Variants in ERC2 observed in about 807,000 individuals in gnomAD.
ERC2 encodes ERC protein 2.
Under a neutral mutation model 114.8 loss-of-function variants are expected in ERC2, and 42 were observed. That is an observed-to-expected ratio of 0.37 (90% confidence interval 0.29 to 0.47). ERC2 has a LOEUF of 0.47. ERC2 is among the 20% of genes least tolerant of loss of function. The pLI, the probability that ERC2 is intolerant of heterozygous loss-of-function variation, is 0.99. For synonymous variants in ERC2, 454 were observed against 425.5 expected, an observed-to-expected ratio of 1.07 and a Z score of -0.82; for missense variants, 939 against 1,150.7, an observed-to-expected ratio of 0.82 and a Z score of 2.66.
At chr3:55,576,320 A>C (rs576750859) in intron 17 of ERC2, among the ~76,000 whole-genome samples, 2 of 152,110 alleles carry the variant, frequency 1.3e-5, no homozygotes, top group African/African-American at 4.8e-5. Flanking sequence ...AAAAAAAAAA[A>C]AAAATAAATC....
At chr3:56,022,933 G>T (rs1338960861) in intron 7 of ERC2, among the ~76,000 whole-genome samples, 2 of 152,178 alleles carry the variant, frequency 1.3e-5, no homozygotes, top group Non-Finnish European at 2.9e-5. Context: ...GCCTTCTGGG[G>T]CAGAAACCTG....
chr3:56,300,021 T>C (rs548027752), intron 2 of ERC2, among the ~76,000 whole-genome samples: 1 of 152,314 alleles, frequency 6.6e-6, no homozygotes, highest in East Asian at 1.9e-4. Flanking sequence ...CTTATTGCCC[T>C]GATCCTTTGT....
At chr3:56,446,060 T>A (rs138720740) in intron 1 of ERC2, among the ~76,000 whole-genome samples, 7 of 152,284 alleles carry the variant, frequency 4.6e-5, no homozygotes, top group African/African-American at 1.7e-4. Context: ...AGGAAACCCT[T>A]CATAACCCAA....
At chr3:56,319,704 C>T (rs996613194) in intron 2 of ERC2, among the ~76,000 whole-genome samples, 4 of 152,094 alleles carry the variant, frequency 2.6e-5, no homozygotes, top group African/African-American at 7.2e-5. Flanking sequence ...GGTGCCGTAG[C>T]TCACACCTGG....
chr3:55,622,213 C>T (rs1445267370), intron 17 of ERC2, among the ~76,000 whole-genome samples: 1 of 152,112 alleles, frequency 6.6e-6, no homozygotes, highest in Non-Finnish European at 1.5e-5. Flanking sequence ...TTGTAGAAGC[C>T]AGGTAAAGCA....
chr3:55,575,543 C>T (rs1393020490), intron 17 of ERC2, among the ~76,000 whole-genome samples: 3 of 152,170 alleles, frequency 2.0e-5, no homozygotes, highest in Non-Finnish European at 2.9e-5. Context: ...CAGCAGGGCT[C>T]TTATAAGAAT....
At chr3:56,327,044 G>A (rs1321076019) in intron 2 of ERC2, among the ~76,000 whole-genome samples, 4 of 152,196 alleles carry the variant, frequency 2.6e-5, no homozygotes, top group Non-Finnish European at 5.9e-5. Context: ...AGAGGATGCT[G>A]CTGTCCCAGC....
chr3:56,075,213 G>A (rs898451224), intron 7 of ERC2, among the ~76,000 whole-genome samples: 1 of 152,086 alleles, frequency 6.6e-6, no homozygotes, highest in African/African-American at 2.4e-5. Flanking sequence ...CTCTTATAAA[G>A]GCAGGGTCTG....
At chr3:56,153,689 C>T (rs534976453) in intron 4 of ERC2, among the ~76,000 whole-genome samples, 1 of 152,248 alleles carries the variant, frequency 6.6e-6, no homozygotes, top group East Asian at 1.9e-4. Flanking sequence ...AGATTTCAAT[C>T]CCTCTCCAGG....
At chr3:55,860,304 G>A (rs907988281) in intron 14 of ERC2, among the ~76,000 whole-genome samples, 10 of 152,222 alleles carry the variant, frequency 6.6e-5, no homozygotes, top group African/African-American at 2.2e-4. Context: ...AATTCATAGC[G>A]ACAAGCAATT....
chr3:56,345,779 C>A (rs893996767), intron 2 of ERC2, among the ~76,000 whole-genome samples: 5 of 152,150 alleles, frequency 3.3e-5, no homozygotes, highest in African/African-American at 9.7e-5. Flanking sequence ...CACATGCATG[C>A]CCACACTTAG....
intron 17 of ERC2, among the ~76,000 whole-genome samples, chr3:55,553,011 ATTTTTTTTTT>A (rs66602607): frequency 0.22 from 12,182 of 55,672 alleles, 943 homozygotes; most frequent in South Asian, 0.39. Flanking sequence ...GGGCTTCCAG[ATTTTTTTTTT>A]TTTTTTTTTT....
At chr3:56,153,416 C>A (rs541950444) in intron 4 of ERC2, among the ~76,000 whole-genome samples, 3 of 152,264 alleles carry the variant, frequency 2.0e-5, no homozygotes, top group African/African-American at 7.2e-5. Context: ...ACAAGATCCT[C>A]GGGTGATTCG....
chr3:56,007,510 T>C (rs1033659169), intron 9 of ERC2, among the ~76,000 whole-genome samples, 189 bp from the exon 10 acceptor site: 1 of 152,010 alleles, frequency 6.6e-6, no homozygotes, highest in Non-Finnish European at 1.5e-5. Context: ...ACAGAACGAG[T>C]AGGATCTAAT....
intron 17 of ERC2, among the ~76,000 whole-genome samples, chr3:55,642,289 C>G (rs895575105): frequency 1.3e-5 from 2 of 151,914 alleles, no homozygotes; most frequent in Non-Finnish European, 2.9e-5. Flanking sequence ...GATTTTCTCT[C>G]TGGCTCCTAC....
intron 2 of ERC2, among the ~76,000 whole-genome samples, chr3:56,299,070 TAC>T (rs990450342): frequency 2.6e-5 from 4 of 151,646 alleles, no homozygotes; most frequent in Non-Finnish European, 5.9e-5. Context: ...TATATATATA[TAC>T]ATATATAGCT....
chr3:55,811,398 A>G (rs1206547171), intron 14 of ERC2, among the ~76,000 whole-genome samples: 2 of 152,140 alleles, frequency 1.3e-5, no homozygotes, highest in African/African-American at 4.8e-5. Context: ...GGCAGGCGTT[A>G]TTTTTTTCCA....
At chr3:55,890,558 G>A (rs1293669004) in intron 13 of ERC2, among the ~76,000 whole-genome samples, 1 of 152,170 alleles carries the variant, frequency 6.6e-6, no homozygotes, top group African/African-American at 2.4e-5. Flanking sequence ...ACCGCTTAGG[G>A]CAAACACTAG....
chr3:56,234,335 C>T (rs1445324468), intron 3 of ERC2, among the ~76,000 whole-genome samples: 1 of 152,192 alleles, frequency 6.6e-6, no homozygotes, highest in Non-Finnish European at 1.5e-5. Context: ...TAAAATGGCA[C>T]ATACAACTAA....
Sources: gnomAD v4.1 joint callset for allele counts (sites outside exome capture counted in the v4.1 genomes callset) on GRCh38, gnomAD v4.1.1 for gene constraint, MANE v1.5 for transcripts, NCBI Gene and HGNC (gene_info 2026-07-23, HGNC 2026-07-21) for gene names.